Variants in CCN4 observed in about 807,000 individuals in gnomAD.
CCN4 encodes CCN family member 4.
A neutral mutation model predicts 36.7 loss-of-function variants in CCN4; 30 were observed. That is an observed-to-expected ratio of 0.82 (90% CI 0.61 to 1.11). CCN4 has a LOEUF of 1.11. Among genes scored for constraint, CCN4 ranks in the 50% least tolerant of loss-of-function variants. The pLI, the probability that CCN4 is intolerant of heterozygous loss-of-function variation, is 0.00. For missense variants in CCN4, 505 were observed against 504.9 expected (o/e 1.00, Z 0.00); for synonymous variants, 191 against 195.4 (o/e 0.98, Z 0.19).
At chr8:133,204,577 G>T (rs932176665) in intron 1 of CCN4, among the ~76,000 whole-genome samples, 1 of 152,174 alleles carries the variant, frequency 6.6e-6, no homozygotes, top group African/African-American at 2.4e-5. Context: ...TAGGAATCTG[G>T]TTTTTATCAC....
chr8:133,201,740 G>T (rs555850411), intron 1 of CCN4, among the ~76,000 whole-genome samples: 2 of 152,150 alleles, frequency 1.3e-5, no homozygotes, highest in Non-Finnish European at 2.9e-5. Context: ...CTACTCGGGA[G>T]GCTGAGGGAC....
At chr8:133,226,944 C>T (rs566840021) in intron 4 of CCN4, among the ~76,000 whole-genome samples, 56 of 152,268 alleles carry the variant, frequency 3.7e-4, no homozygotes, top group Middle Eastern at 3.4e-3. Flanking sequence ...CATTTGAATA[C>T]GTTGAATACT....
intron 1 of CCN4, among the ~76,000 whole-genome samples, chr8:133,205,780 A>G (rs1853751059): frequency 6.6e-6 from 1 of 152,112 alleles, no homozygotes; most frequent in Non-Finnish European, 1.5e-5. Flanking sequence ...TATTTTTGAG[A>G]TCCTACAGAA....
Position 133,227,912 on chromosome 8 carries a change from A to G in CCN4, c.*202A>G, listed in dbSNP as rs1854806008. ...AGTTTTCTCCTTGATATCATTCAGC[A>G]TCTACTCTAAAGAAAAATGCCTGTC... is the stretch of plus-strand genomic sequence containing the variant. On this transcript the variant is annotated 3_prime_UTR_variant, in exon 5 of 5. Transcript: ENST00000250160. The G allele has an allele frequency of 3.3e-6, 2 of 605,988 alleles. No homozygotes were observed. The highest frequency in any genetic ancestry group is 6.4e-5 in the Admixed American group (2 of 31,344). The allele number at this position is 605,988 out of a possible 1,614,324, so 37.5% of individuals were successfully genotyped here.
intron 1 of CCN4, among the ~76,000 whole-genome samples, chr8:133,205,582 G>C (rs1053602740): frequency 6.6e-6 from 1 of 152,182 alleles, no homozygotes; most frequent in Non-Finnish European, 1.5e-5. Context: ...GAAGATAGCC[G>C]TCAGGGCTCT....
At chr8:133,194,177 C>T (rs1300999395) in intron 1 of CCN4, among the ~76,000 whole-genome samples, 1 of 152,020 alleles carries the variant, frequency 6.6e-6, no homozygotes, top group African/African-American at 2.4e-5. Context: ...CCACATCCTC[C>T]CTCCTGTATC....
chr8:133,218,026 AC>A (rs1854391346), intron 2 of CCN4, among the ~76,000 whole-genome samples: 2 of 151,926 alleles, frequency 1.3e-5, no homozygotes, highest in Non-Finnish European at 2.9e-5. Flanking sequence ...TGAGTGATTC[AC>A]CCAGCGCTTC....
rs1466170804 is a variant in CCN4, at chr8:133,228,565, A to C, written c.*855A>C. ...TTCTCCCTTGTCCTGCTTGGGGTTC[A>C]TAGGAATTGGTAAGGCCTCTGGACT... On this transcript the variant is annotated 3_prime_UTR_variant, in exon 5 of 5. Transcript: ENST00000250160. The C allele has an allele frequency of 6.6e-6, 1 of 152,162 alleles. No homozygotes were observed. The allele number at this position is 152,162 out of a possible 1,614,324, so 9.4% of individuals were successfully genotyped here.
At chr8:133,197,332 G>C (rs1853426340) in intron 1 of CCN4, among the ~76,000 whole-genome samples, 1 of 152,158 alleles carries the variant, frequency 6.6e-6, no homozygotes, top group Non-Finnish European at 1.5e-5. Flanking sequence ...TATTAGCAGA[G>C]AGGGGTATGT....
In CCN4 at chr8:133,209,113, C is replaced by T. The variant is rs531539353; in HGVS notation, c.70-3751C>T. The stretch of plus-strand genomic sequence containing the variant: ...TCGGTCCCTAGAATGACTCAGTCAT[C>T]GTGCACATCCCCAGCTAAACTGTCA... On this transcript the variant is annotated intron_variant, in intron 1 of 4. Transcript: ENST00000250160. Among the ~76,000 whole-genome samples the T allele has an allele frequency of 2.6e-5, 4 of 152,310 alleles. No homozygotes were observed. In the East Asian group the frequency reaches 5.8e-4, roughly 22 times the overall value.
intron 1 of CCN4, among the ~76,000 whole-genome samples, chr8:133,192,092 A>G (rs1447663843): frequency 1.3e-5 from 2 of 152,206 alleles, no homozygotes; most frequent in Non-Finnish European, 2.9e-5. Flanking sequence ...CAGATTCCAC[A>G]GCCCAGGGCA....
intron 1 of CCN4, among the ~76,000 whole-genome samples, chr8:133,193,497 C>T (rs1467411245): frequency 6.6e-6 from 1 of 152,176 alleles, no homozygotes; most frequent in Non-Finnish European, 1.5e-5. Flanking sequence ...CTTATGCTTT[C>T]ATCTCTTTAT....
chr8:133,215,409 A>G (rs1854283773), intron 2 of CCN4, among the ~76,000 whole-genome samples: 1 of 152,222 alleles, frequency 6.6e-6, no homozygotes, highest in Admixed American at 6.5e-5. Flanking sequence ...CTCATAATTT[A>G]TTCTTCCAGT....
chr8:133,216,032 T>G (rs1854309023), intron 2 of CCN4, among the ~76,000 whole-genome samples: 1 of 151,788 alleles, frequency 6.6e-6, no homozygotes, highest in Non-Finnish European at 1.5e-5. Context: ...CATATACACA[T>G]CACACACATA....
intron 2 of CCN4, among the ~76,000 whole-genome samples, chr8:133,214,910 T>A (rs1248043691): frequency 6.6e-6 from 1 of 152,218 alleles, no homozygotes; most frequent in East Asian, 1.9e-4. Flanking sequence ...CCATGAGGGT[T>A]ATGTACATCA....
Position 133,227,409 on chromosome 8 carries a change from A to G in CCN4, c.805-2A>G, listed in dbSNP as rs1194806210. The G allele has an allele frequency of 6.2e-7, 1 of 1,604,614 alleles. No homozygotes were observed. Among genetic ancestry groups the G allele is most frequent in the Non-Finnish European group, 8.5e-7 (1 of 1,174,178 alleles). On this transcript the variant is annotated splice_acceptor_variant, in intron 4 of 4. Transcript: ENST00000250160. LOFTEE classifies it high-confidence loss of function. ...ACTGAAAGCTCCTTTCCTTTCCTTC[A>G]GGCAGGGAAGAAGTGTCTGGCTGTG...
At chr8:133,202,695 A>C (rs900226659) in intron 1 of CCN4, among the ~76,000 whole-genome samples, 1 of 152,158 alleles carries the variant, frequency 6.6e-6, no homozygotes, top group Non-Finnish European at 1.5e-5. Flanking sequence ...AAGGAGGAGG[A>C]TGTACCTGGC....
intron 1 of CCN4, among the ~76,000 whole-genome samples, chr8:133,204,581 T>C (rs1359419622): frequency 6.6e-6 from 1 of 152,216 alleles, no homozygotes; most frequent in East Asian, 1.9e-4. Flanking sequence ...AATCTGGTTT[T>C]TATCACTCTG....
At chr8:133,210,417 G>A (rs1353658253) in intron 1 of CCN4, among the ~76,000 whole-genome samples, 1 of 131,240 alleles carries the variant, frequency 7.6e-6, no homozygotes, top group African/African-American at 2.5e-5. Flanking sequence ...GTGTGTGTGT[G>A]TGTGTTTACT....
Sources: gnomAD v4.1 joint callset for allele counts (sites outside exome capture counted in the v4.1 genomes callset) on GRCh38, gnomAD v4.1.1 for gene constraint, MANE v1.5 for transcripts, NCBI Gene and HGNC (gene_info 2026-07-23, HGNC 2026-07-21) for gene names.